Variants in SNED1 observed in about 807,000 individuals in gnomAD.
SNED1 encodes the protein sushi, nidogen and EGF like domains 1.
In SNED1, 81 loss-of-function variants were observed where a neutral mutation model predicts 166.7. The observed-to-expected ratio is 0.49, with a 90% CI of 0.41 to 0.58. The LOEUF (loss-of-function observed/expected upper bound fraction) is 0.58. Ranked by LOEUF, SNED1 falls within the 20% of genes least tolerant of loss-of-function variation. The pLI is 0.00. For synonymous variants in SNED1, 762 were observed against 822.0 expected (o/e 0.93, Z 1.25); for missense variants, 1,604 against 2,000.2 (o/e 0.80, Z 3.78).
chr2:241,057,586 A>G (rs2062098417), intron 16 of SNED1, among the ~76,000 whole-genome samples: 1 of 151,786 alleles, frequency 6.6e-6, no homozygotes, highest in Non-Finnish European at 1.5e-5. Flanking sequence ...CAAGAGGCTG[A>G]GGTGAGAGGA....
In SNED1 at chr2:241,051,825, G is replaced by A; in HGVS notation, c.1817G>A (p.Cys606Tyr). The A allele has an allele frequency of 6.4e-7, 1 of 1,562,190 alleles. No individual in the cohort carries two copies. The highest frequency in any genetic ancestry group is 1.9e-5 in the Admixed American group (1 of 52,346). The stretch of plus-strand genomic sequence containing the variant: ...GCGGGCGGCGAGTACCACTGCAGCT[G>A]CCCCTACCGCTTCACTGGGAGGCAC... ...KEAGGEYHCS[C>Y]PYRFTGRHCE... is the part of the protein sequence containing the mutation. Residue 606 changes from cysteine (C) to tyrosine (Y), a missense_variant, in exon 13 of 32, where the codon TGC becomes TAC. Around this residue, in one of 2 missense-constraint regions of SNED1, gnomAD observed 1,237 missense variants for 1,620.8 expected, o/e 0.76. Transcript: ENST00000310397. This position sits in a 1 kb window ranked among gnomAD's most constrained non-coding sequence, Gnocchi z 4.7.
intron 1 of SNED1, among the ~76,000 whole-genome samples, chr2:241,001,204 G>A (rs536860655): frequency 1.1e-4 from 17 of 152,314 alleles, no homozygotes; most frequent in Admixed American, 4.6e-4. Context: ...GCGCTCCTCC[G>A]CCCCCAGCCT....
intron 1 of SNED1, among the ~76,000 whole-genome samples, chr2:241,012,323 G>A (rs1271489856): frequency 1.3e-5 from 2 of 152,082 alleles, no homozygotes; most frequent in Non-Finnish European, 2.9e-5. Context: ...AAACATAAAC[G>A]TGCAAAAAAA....
At position 241,082,414 on chromosome 2, in the gene SNED1, AC is replaced by A. The variant is rs113570153; in HGVS notation, c.4121+51del. The A allele has an allele frequency of 3.0e-3, 4,342 of 1,452,430 alleles. 16 individuals are homozygous for A. Among genetic ancestry groups the A allele is most frequent in the African/African-American group, 0.017 (1,211 of 71,138 alleles). The allele number at this position is 1,452,430 out of a possible 1,614,324, so 90.0% of individuals were successfully genotyped here. On this transcript the variant is annotated intron_variant, in intron 29 of 31. Transcript: ENST00000310397. ...TTACCGCATTTGTCGTGTGTTCTTG[AC>A]TCCTCAAAGTGCTGTCTCAAAGCTA...
At position 241,071,445 on chromosome 2, in the gene SNED1, G is replaced by A. The variant is rs1017318633; in HGVS notation, c.3590-131G>A. 10 of 1,067,182 alleles carry A rather than the reference G, an allele frequency of 9.4e-6. No homozygotes were observed. In the Admixed American group the frequency reaches 1.1e-4, roughly 12 times the overall value. 66.1% of individuals were successfully genotyped at this position (1,067,182 alleles called of 1,614,324 possible). ...AGCCACAAGCACCTTGGATGACCAC[G>A]GCCCACGCACATGCCCCCCTTCCCT... is the stretch of plus-strand genomic sequence containing the variant. On this transcript the variant is annotated intron_variant, in intron 24 of 31. Transcript: ENST00000310397.
intron 28 of SNED1, among the ~76,000 whole-genome samples, chr2:241,082,023 G>A (rs925999554): frequency 2.6e-5 from 4 of 152,350 alleles, no homozygotes; most frequent in South Asian, 2.1e-4. Context: ...CACAGCATGC[G>A]AGGCACAGCT....
Position 240,998,745 on chromosome 2 carries a change from A to C in SNED1, c.-93A>C, listed in dbSNP as rs1002157077. 3 of 488,252 alleles carry C rather than the reference A, an allele frequency of 6.1e-6. No individual in the cohort carries two copies. Among genetic ancestry groups the C allele is most frequent in the Non-Finnish European group, 8.0e-6 (3 of 376,276 alleles). The allele number at this position is 488,252 out of a possible 1,614,324, so 30.2% of individuals were successfully genotyped here. A position where few individuals can be genotyped will look rare whatever the true frequency, so the allele number is the denominator to read the frequency against. On this transcript the variant is annotated 5_prime_UTR_variant, in exon 1 of 32. Transcript: ENST00000310397. Reference sequence around the variant, plus strand: ...CAGCGGGCGCGCCCGCGCTCCCCGCACCCCGCCTGGCCCTGCCGGCCACCC... The same window carrying C: ...CAGCGGGCGCGCCCGCGCTCCCCGCCCCCCGCCTGGCCCTGCCGGCCACCC...
In SNED1 at chr2:241,073,352, A is replaced by T; in HGVS notation, c.3904A>T (p.Lys1302Ter). 6.4e-7 allele frequency: 1 copy of T among 1,570,806 alleles called. No individual in the cohort carries two copies. Among genetic ancestry groups the T allele is most frequent in the South Asian group, 1.2e-5 (1 of 85,140 alleles). ...CCTCCAGCTCCCTGAACACGGCAGC[A>T]AGGACATCGGAAGTGAGTCAGCAGC... ...LALQLPEHGSKDIGNVPGNCS... is the reference protein window; with the variant it reads ...LALQLPEHGS Residue 1302 changes from lysine to a stop codon, truncating the protein, a stop_gained, in exon 27 of 32, where the codon AAG becomes TAG. Coordinates refer to ENST00000310397, the MANE Select transcript of SNED1 (RefSeq NM_001080437.3). LOFTEE classifies it high-confidence loss of function. The surrounding 1 kb of genome is among the most constrained non-coding windows in gnomAD (Gnocchi z 6.6).
intron 21 of SNED1, among the ~76,000 whole-genome samples, chr2:241,066,382 G>T (rs1228552368): frequency 6.6e-6 from 1 of 152,334 alleles, no homozygotes; most frequent in South Asian, 2.1e-4. Context: ...GGACGGACAG[G>T]GGCAGGGCCG....
At chr2:241,079,722 G>A (rs2063237248) in intron 27 of SNED1, among the ~76,000 whole-genome samples, 1 of 152,108 alleles carries the variant, frequency 6.6e-6, no homozygotes, top group Non-Finnish European at 1.5e-5. Context: ...GTTATCATGT[G>A]GATGGCATAA....
chr2:241,090,590 C>A, intron 31 of SNED1: 1 of 972,784 alleles, frequency 1.0e-6, no homozygotes. Context: ...ACACCAGCAT[C>A]ACCACAAACA....
chr2:241,088,848 G>A (rs951585288), intron 31 of SNED1: 6 of 212,330 alleles, frequency 2.8e-5, no homozygotes, highest in African/African-American at 1.2e-4. Flanking sequence ...CTGAGAGAGT[G>A]CCTCCCAGAT....
chr2:241,020,128 A>G (rs902967745), intron 1 of SNED1, among the ~76,000 whole-genome samples: 1 of 152,258 alleles, frequency 6.6e-6, no homozygotes, highest in Admixed American at 6.5e-5. Context: ...AAGAATATGC[A>G]ACAGAGACCA....
chr2:241,019,659 G>A (rs369767740), intron 1 of SNED1, among the ~76,000 whole-genome samples: 7 of 152,308 alleles, frequency 4.6e-5, no homozygotes, highest in African/African-American at 1.7e-4. Flanking sequence ...GGCCACTTCC[G>A]GCCCAAGAGG....
chr2:241,050,907 G>T (rs1392256488), intron 12 of SNED1, among the ~76,000 whole-genome samples: 2 of 152,166 alleles, frequency 1.3e-5, no homozygotes, highest in African/African-American at 4.8e-5. Flanking sequence ...CAAAGGTTCT[G>T]TGCCCGCCCC....
intron 27 of SNED1, among the ~76,000 whole-genome samples, chr2:241,077,596 G>A (rs2063090314): frequency 6.6e-6 from 1 of 151,962 alleles, no homozygotes; most frequent in Non-Finnish European, 1.5e-5. Context: ...TCAGACATGG[G>A]CAAATCATAC....
intron 29 of SNED1, among the ~76,000 whole-genome samples, chr2:241,082,862 G>A (rs556310251): frequency 6.6e-6 from 1 of 152,328 alleles, no homozygotes; most frequent in Admixed American, 6.5e-5. Flanking sequence ...CTATGACTCT[G>A]TCGGTCACAC....
intron 1 of SNED1, among the ~76,000 whole-genome samples, chr2:241,021,068 A>G (rs1369291815): frequency 1.3e-5 from 2 of 152,118 alleles, no homozygotes; most frequent in African/African-American, 4.8e-5. Flanking sequence ...CTTCTTCCCT[A>G]TGGGAACACC....
In SNED1 at chr2:241,075,264, G is replaced by C. The variant is rs1435284243; in HGVS notation, c.3916+1900G>C. On this transcript the variant is annotated intron_variant, in intron 27 of 31. Transcript: ENST00000310397. This position sits in a 1 kb window ranked among gnomAD's most constrained non-coding sequence, Gnocchi z 4.8. ...AGTGGAAAAGCTGGATCTAGGATGA[G>C]GATGTGTGAATGCCCAAATTACATG... is the stretch of plus-strand genomic sequence containing the variant. The C allele has an allele frequency of 6.6e-6, 1 of 152,216 alleles. No individual in the cohort carries two copies. The highest frequency in any genetic ancestry group is 6.5e-5 in the Admixed American group (1 of 15,280). The allele number at this position is 152,216 out of a possible 1,614,324, so 9.4% of individuals were successfully genotyped here.
Sources: gnomAD v4.1 joint callset for allele counts (sites outside exome capture counted in the v4.1 genomes callset) on GRCh38, gnomAD v4.1.1 for gene constraint, gnomAD v4.1.1 regional missense constraint, Gnocchi (gnomAD v3.1) non-coding constraint, MANE v1.5 for transcripts, NCBI Gene and HGNC (gene_info 2026-07-23, HGNC 2026-07-21) for gene names.